The following FHIT variants were observed in gnomAD, a reference collection of about 807,000 sequenced individuals.
FHIT encodes the protein fragile histidine triad diadenosine triphosphatase.
In FHIT, 19 loss-of-function variants were observed where a neutral mutation model predicts 17.9. The observed-to-expected ratio is 1.06, with a 90% confidence interval of 0.74 to 1.56. The LOEUF (loss-of-function observed/expected upper bound fraction) is 1.56, where lower values mean the gene tolerates loss of function less well. Among genes scored for constraint, FHIT ranks in the 40% most tolerant of loss-of-function variants. The pLI is 0.00. For synonymous variants in FHIT, 81 were observed against 69.7 expected (o/e 1.16, Z -0.81); for missense variants, 248 against 189.2 (o/e 1.31, Z -1.82).
chr3:60,005,364 A>G (rs1575863865), intron 7 of FHIT, among the ~76,000 whole-genome samples: 1 of 152,276 alleles, frequency 6.6e-6, no homozygotes, highest in East Asian at 1.9e-4. Context: ...AGTAGGAGAG[A>G]GGAAGTTTCC....
At chr3:60,714,783 G>A (rs1404539139) in intron 4 of FHIT, among the ~76,000 whole-genome samples, 1 of 152,170 alleles carries the variant, frequency 6.6e-6, no homozygotes, top group African/African-American at 2.4e-5. Flanking sequence ...TGAAATAAAA[G>A]AGGATACAAA....
intron 5 of FHIT, among the ~76,000 whole-genome samples, chr3:60,290,405 T>A (rs1050382759): frequency 5.9e-5 from 9 of 152,132 alleles, no homozygotes; most frequent in Non-Finnish European, 1.3e-4. Context: ...TTTTCACCCT[T>A]TCTCTGCCCT....
At chr3:60,591,372 AGAT>A (rs2038078224) in intron 4 of FHIT, among the ~76,000 whole-genome samples, 2 of 146,160 alleles carry the variant, frequency 1.4e-5, no homozygotes, top group Non-Finnish European at 3.0e-5. Flanking sequence ...TCTTAGAGAA[AGAT>A]GATGGACTTA....
intron 8 of FHIT, among the ~76,000 whole-genome samples, chr3:59,900,172 A>G (rs935700188): frequency 6.6e-6 from 1 of 152,062 alleles, no homozygotes; most frequent in African/African-American, 2.4e-5. Flanking sequence ...CAGTCCTCTG[A>G]GGTAAAGGCC....
At chr3:60,603,422 C>T (rs1404045383) in intron 4 of FHIT, among the ~76,000 whole-genome samples, 1 of 151,666 alleles carries the variant, frequency 6.6e-6, no homozygotes, top group Admixed American at 6.6e-5. Context: ...TTCTTACTAT[C>T]TATCCATTTT....
chr3:59,979,684 T>G (rs1316638776), intron 7 of FHIT, among the ~76,000 whole-genome samples: 1 of 152,120 alleles, frequency 6.6e-6, no homozygotes, highest in Admixed American at 6.6e-5. Flanking sequence ...TACACTAAGA[T>G]ATGGTGGGGC....
intron 2 of FHIT, among the ~76,000 whole-genome samples, chr3:61,060,080 G>C (rs2034372246): frequency 6.6e-6 from 1 of 152,080 alleles, no homozygotes; most frequent in Non-Finnish European, 1.5e-5. Context: ...CTGAGCTGCT[G>C]GGACATGCTG....
Position 60,301,071 on chromosome 3 carries a change from G to A in FHIT, c.103+235789C>T, listed in dbSNP as rs1708441629. Among the ~76,000 whole-genome samples the A allele has an allele frequency of 3.3e-5, 5 of 152,038 alleles. No homozygotes were observed. The South Asian group carries it at 6.2e-4, about 19-fold the overall frequency. ...CCTAGAGTTCCCATTTGGGCTTCCC[G>A]TTTCTCAGGAGACTTATCTGTTCAT... On this transcript the variant is annotated intron_variant, in intron 5 of 9. Coordinates refer to ENST00000492590, the MANE Select transcript of FHIT (RefSeq NM_002012.4).
chr3:61,073,814 T>C (rs1391696746), intron 2 of FHIT, among the ~76,000 whole-genome samples: 3 of 152,192 alleles, frequency 2.0e-5, no homozygotes, highest in African/African-American at 7.2e-5. Flanking sequence ...TAATAGAGGC[T>C]GAAGCAGAGG....
intron 5 of FHIT, among the ~76,000 whole-genome samples, chr3:60,441,788 A>T (rs370664374): frequency 4.9e-4 from 6 of 12,314 alleles, no homozygotes; most frequent in Non-Finnish European, 7.4e-4. Flanking sequence ...ATAAAAATAT[A>T]TATATATATA....
At chr3:59,864,154 G>T (rs1293457447) in intron 8 of FHIT, among the ~76,000 whole-genome samples, 1 of 152,108 alleles carries the variant, frequency 6.6e-6, no homozygotes, top group African/African-American at 2.4e-5. Context: ...ACCCACAAAA[G>T]GCATATGATA....
intron 4 of FHIT, among the ~76,000 whole-genome samples, chr3:60,581,337 A>G (rs1187319423): frequency 6.6e-6 from 1 of 152,128 alleles, no homozygotes; most frequent in Non-Finnish European, 1.5e-5. Context: ...AGATGAACCT[A>G]GAGAACTTAA....
chr3:60,037,625 G>A (rs112263579), intron 5 of FHIT, among the ~76,000 whole-genome samples: 311 of 151,932 alleles, frequency 2.0e-3, no homozygotes, highest in Non-Finnish European at 2.5e-3. Flanking sequence ...CAGGTGATCC[G>A]CCCGACTTGG....
chr3:59,922,257 A>G (rs1336762458), intron 8 of FHIT, 89 bp downstream of exon 8: 1 of 1,127,012 alleles, frequency 8.9e-7, no homozygotes, highest in Non-Finnish European at 1.3e-6. Flanking sequence ...TTCAGACCAT[A>G]TCTAGGGTAA....
rs549884203 is a variant in FHIT, at chr3:60,721,304, A to G, written c.-18+100615T>C. 2.4e-4 allele frequency among the ~76,000 whole-genome samples: 37 copies of G among 152,284 alleles called. No individual in the cohort carries two copies. The South Asian group carries it at 6.4e-3, about 26-fold the overall frequency. ...CAACCTTCTGCTATGTAAAAACATG[A>G]TTAAGAACACACATATTTGTACTGT... is the stretch of plus-strand genomic sequence containing the variant. On this transcript the variant is annotated intron_variant, in intron 4 of 9. Coordinates refer to ENST00000492590, the MANE Select transcript of FHIT (RefSeq NM_002012.4).
In FHIT at chr3:60,128,418, C is replaced by G. The variant is rs531888948; in HGVS notation, c.104-114266G>C. Among the ~76,000 whole-genome samples the G allele has an allele frequency of 2.0e-5, 3 of 152,176 alleles. 1 individual carries two copies. Among genetic ancestry groups the G allele is most frequent in the Non-Finnish European group, 4.4e-5 (3 of 68,024 alleles). ...AGGACATGTTTGCTTTCCCTTCTACCATGACTATAAGTTTCCTGAGGCCTC... is the reference window on the plus strand; with the variant it reads ...AGGACATGTTTGCTTTCCCTTCTACGATGACTATAAGTTTCCTGAGGCCTC... On this transcript the variant is annotated intron_variant, in intron 5 of 9. Coordinates refer to ENST00000492590, the MANE Select transcript of FHIT (RefSeq NM_002012.4).
intron 4 of FHIT, among the ~76,000 whole-genome samples, chr3:60,546,671 G>A (rs950604242): frequency 5.3e-5 from 8 of 152,158 alleles, no homozygotes. Flanking sequence ...CTGGCCTTTA[G>A]TCCTCCCTTT....
chr3:60,119,240 A>T (rs1483719548), intron 5 of FHIT, among the ~76,000 whole-genome samples: 1 of 151,264 alleles, frequency 6.6e-6, no homozygotes, highest in Non-Finnish European at 1.5e-5. Context: ...TGCCCAGCTA[A>T]TTTTTTATTT....
rs191088935 is a variant in FHIT, at chr3:61,095,389, A to G, written c.-163-53290T>C. Among the ~76,000 whole-genome samples, 39 of 152,282 alleles carry G rather than the reference A, an allele frequency of 2.6e-4. No homozygotes were observed. The East Asian group carries it at 7.1e-3, about 28-fold the overall frequency. On this transcript the variant is annotated intron_variant, in intron 2 of 9. Coordinates refer to ENST00000492590, the MANE Select transcript of FHIT (RefSeq NM_002012.4). Reference sequence around the variant, plus strand: ...GCTTGACTGTGCATTACTATGGAACAATTCTAAGCCTGTCTCACCTACATA... The same window carrying G: ...GCTTGACTGTGCATTACTATGGAACGATTCTAAGCCTGTCTCACCTACATA...
Sources: gnomAD v4.1 joint callset for allele counts (sites outside exome capture counted in the v4.1 genomes callset) on GRCh38, gnomAD v4.1.1 for gene constraint, MANE v1.5 for transcripts, NCBI Gene and HGNC (gene_info 2026-07-23, HGNC 2026-07-21) for gene names.